The following AK7 variants were observed in gnomAD, a reference collection of about 807,000 sequenced individuals.
AK7 encodes adenylate kinase 7.
AK7 carries 78 observed loss-of-function variants against 96.6 expected under a neutral mutation model. That is an observed-to-expected ratio of 0.81 (90% CI 0.67 to 0.97). The LOEUF (loss-of-function observed/expected upper bound fraction) is 0.97. AK7 is among the 50% of genes least tolerant of loss of function. AK7 has a pLI of 0.00. For synonymous variants in AK7, 302 were observed against 317.2 expected (o/e 0.95, Z 0.51); for missense variants, 855 against 887.9 (o/e 0.96, Z 0.47).
chr14:96,484,883 G>A (rs1224895238), intron 16 of AK7, among the ~76,000 whole-genome samples: 1 of 152,046 alleles, frequency 6.6e-6, no homozygotes, highest in South Asian at 2.1e-4. Context: ...GCACATAACA[G>A]GCACTCAACA....
At chr14:96,465,462 TA>T (rs34029201) in intron 12 of AK7, among the ~76,000 whole-genome samples, 305 of 142,836 alleles carry the variant, frequency 2.1e-3, no homozygotes, top group Non-Finnish European at 2.2e-3. Flanking sequence ...AGACTCCGTT[TA>T]AAAAAAAAAA....
chr14:96,403,249 T>C (rs577478430), intron 2 of AK7, among the ~76,000 whole-genome samples: 1 of 152,072 alleles, frequency 6.6e-6, no homozygotes, highest in East Asian at 1.9e-4. Flanking sequence ...TAGAACATCA[T>C]GTGAATATCA....
At chr14:96,443,065 GA>G (rs1450635445) in intron 7 of AK7, among the ~76,000 whole-genome samples, 3 of 152,192 alleles carry the variant, frequency 2.0e-5, no homozygotes, top group Non-Finnish European at 4.4e-5. Flanking sequence ...ACTATCGACA[GA>G]ATAGCAATGC....
intron 10 of AK7, among the ~76,000 whole-genome samples, chr14:96,455,009 A>G (rs917772732): frequency 2.6e-5 from 4 of 151,994 alleles, no homozygotes; most frequent in Admixed American, 2.6e-4. Flanking sequence ...TACTAAAAAT[A>G]CCAAAAAATT....
At chr14:96,415,772 T>A (rs562679742) in intron 4 of AK7, among the ~76,000 whole-genome samples, 45 of 145,242 alleles carry the variant, frequency 3.1e-4, no homozygotes, top group East Asian at 7.8e-4. Flanking sequence ...CATTAATTAA[T>A]TAAATTAATT....
intron 12 of AK7, among the ~76,000 whole-genome samples, chr14:96,468,308 T>C (rs1894694739): frequency 6.9e-6 from 1 of 145,432 alleles, no homozygotes; most frequent in South Asian, 2.2e-4. Context: ...TTTTTTTTTT[T>C]TTTTTTTTTT....
chr14:96,453,214 G>A (rs1893707342), intron 10 of AK7, among the ~76,000 whole-genome samples: 1 of 152,138 alleles, frequency 6.6e-6, no homozygotes, highest in Admixed American at 6.6e-5. Context: ...TGGCTGTACT[G>A]GGAGGTTATC....
At chr14:96,445,732 C>T (rs1009023037) in intron 7 of AK7, among the ~76,000 whole-genome samples, 4 of 152,054 alleles carry the variant, frequency 2.6e-5, no homozygotes, top group Non-Finnish European at 4.4e-5. Flanking sequence ...GTGAACTGCA[C>T]ATTTGGAAGC....
chr14:96,451,971 ACTGG>A (rs986276420), intron 10 of AK7, among the ~76,000 whole-genome samples: 1 of 152,216 alleles, frequency 6.6e-6, no homozygotes, highest in African/African-American at 2.4e-5. Context: ...CAACTGCCTT[ACTGG>A]CTGGCTTGTT....
intron 4 of AK7, among the ~76,000 whole-genome samples, chr14:96,418,322 T>TTAAAAAAAAAAAAA: frequency 2.4e-5 from 1 of 41,820 alleles, no homozygotes; most frequent in Non-Finnish European, 4.5e-5. Context: ...AGACCTTGTC[T>TTAAAAAAAAAAAAA]AAAAAAAAAA....
In AK7 at chr14:96,392,184, C is replaced by G. The variant is rs779070716; in HGVS notation, c.30C>G (p.Leu10=). 2.5e-6 allele frequency: 4 copies of G among 1,613,532 alleles called. No individual in the cohort carries two copies. The highest frequency in any genetic ancestry group is 3.4e-6 in the Non-Finnish European group (4 of 1,179,588). The change falls in exon 1 of 18, where the codon CTC becomes CTG. Residue 10 remains leucine, a synonymous_variant. Coordinates refer to ENST00000267584, the MANE Select transcript of AK7 (RefSeq NM_152327.5). ...CTGAAGAAGAGGAAACTGCTGCTCT[C>G]ACGGAGAAGGTTATCCGGACCCAGA... MAEEEETAA[L]TEKVIRTQRV...
At chr14:96,438,530 A>G (rs536347896) in intron 6 of AK7, among the ~76,000 whole-genome samples, 2 of 152,356 alleles carry the variant, frequency 1.3e-5, no homozygotes, top group Admixed American at 1.3e-4. Flanking sequence ...GAAGTGAGGC[A>G]GAAATGTGCT....
intron 7 of AK7, among the ~76,000 whole-genome samples, chr14:96,445,428 G>T (rs1893181225): frequency 6.6e-6 from 1 of 152,218 alleles, no homozygotes. Flanking sequence ...GGGAGGCCAA[G>T]GTGGGAGGTT....
At chr14:96,471,437 A>T (rs1894879900) in intron 12 of AK7, 41 bp from the exon 13 acceptor site, 4 of 1,078,926 alleles carry the variant, frequency 3.7e-6, no homozygotes, top group Non-Finnish European at 5.1e-6. Context: ...TTAGAATGTG[A>T]TACATTATAA....
chr14:96,455,037 T>C (rs367660558), intron 10 of AK7, among the ~76,000 whole-genome samples: 1 of 151,922 alleles, frequency 6.6e-6, no homozygotes, highest in Non-Finnish European at 1.5e-5. Context: ...TGTGGTGGCG[T>C]GCGCCTGTAA....
intron 2 of AK7, among the ~76,000 whole-genome samples, chr14:96,400,120 C>A (rs1225451529): frequency 2.1e-5 from 3 of 145,234 alleles, no homozygotes; most frequent in Non-Finnish European, 4.5e-5. Flanking sequence ...CTTACTGCAA[C>A]CTTCGCCTCC....
intron 8 of AK7, 33 bp downstream of exon 8, chr14:96,446,640 T>C: frequency 6.3e-7 from 1 of 1,597,266 alleles, no homozygotes; most frequent in Non-Finnish European, 8.6e-7. Flanking sequence ...TTTGATGACA[T>C]ATCGTAAATA....
intron 7 of AK7, among the ~76,000 whole-genome samples, chr14:96,443,905 C>T (rs1221182435): frequency 6.6e-6 from 1 of 151,764 alleles, no homozygotes; most frequent in African/African-American, 2.4e-5. Context: ...TCCCAAGTAG[C>T]TGGGACTACA....
At chr14:96,410,866 G>A (rs145257739) in intron 4 of AK7, among the ~76,000 whole-genome samples, 43 of 152,156 alleles carry the variant, frequency 2.8e-4, no homozygotes, top group Non-Finnish European at 4.0e-4. Context: ...AACCAGGTGC[G>A]GTGGCAAACC....
Sources: gnomAD v4.1 joint callset for allele counts (sites outside exome capture counted in the v4.1 genomes callset) on GRCh38, gnomAD v4.1.1 for gene constraint, MANE v1.5 for transcripts, NCBI Gene and HGNC (gene_info 2026-07-23, HGNC 2026-07-21) for gene names.